Variants in SYNGR1 observed in about 807,000 individuals in gnomAD.
SYNGR1 encodes the protein synaptogyrin-1.
A neutral mutation model predicts 26.1 loss-of-function variants in SYNGR1; 14 were observed. The ratio of observed to expected loss-of-function variants is 0.54; its 90% CI spans 0.35 to 0.84. The LOEUF is 0.84. Among genes scored for constraint, SYNGR1 ranks in the 40% least tolerant of loss-of-function variants. SYNGR1 has a pLI of 0.01. For synonymous variants in SYNGR1, 141 were observed against 150.1 expected, an observed-to-expected ratio of 0.94 and a Z score of 0.44; for missense variants, 319 against 332.9, an observed-to-expected ratio of 0.96 and a Z score of 0.33.
rs1925513030 is a variant in SYNGR1, at chr22:39,381,904, A to G, written c.692A>G (p.Gln231Arg). Residue 231 changes from glutamine to arginine, a missense_variant, in exon 4 of 4, where the codon CAG (glutamine) becomes CGG (arginine). Transcript: ENST00000328933. ...FDTEPQGYQS[Q>R]GY Reference sequence around the variant, plus strand: ...ACCGAGCCCCAGGGCTACCAGTCGCAGGGCTACTGAGCCACAGTGACCGCC... The same window carrying G: ...ACCGAGCCCCAGGGCTACCAGTCGCGGGGCTACTGAGCCACAGTGACCGCC... 4 of 1,608,580 alleles carry G rather than the reference A, an allele frequency of 2.5e-6. No homozygotes were observed. The South Asian group carries it at 4.4e-5, about 18-fold the overall frequency.
chr22:39,357,646 T>C (rs1459662952), intron 1 of SYNGR1, among the ~76,000 whole-genome samples: 1 of 26,234 alleles, frequency 3.8e-5, no homozygotes, highest in Non-Finnish European at 6.8e-5. Flanking sequence ...CGGCCAGCCC[T>C]GCTGGCCCCG....
Position 39,374,307 on chromosome 22 carries a change from C to T in SYNGR1, c.100-9C>T. The T allele has an allele frequency of 2.5e-6, 4 of 1,613,610 alleles. No individual in the cohort carries two copies. The highest frequency in any genetic ancestry group is 2.2e-5 in the East Asian group (1 of 44,868). On this transcript the variant is annotated splice_polypyrimidine_tract_variant and intron_variant, in intron 1 of 3. Transcript: ENST00000328933. Reference sequence around the variant, plus strand: ...GCCCAGGTCTAAGGTGTGGCCCCACCCCCGACAGCTGTTCTCCATAGTGGT... The same window carrying T: ...GCCCAGGTCTAAGGTGTGGCCCCACTCCCGACAGCTGTTCTCCATAGTGGT...
intron 1 of SYNGR1, among the ~76,000 whole-genome samples, chr22:39,366,971 G>A (rs146038700): frequency 1.3e-5 from 2 of 152,216 alleles, no homozygotes; most frequent in Non-Finnish European, 2.9e-5. Context: ...CCTCCATGCC[G>A]CTCCTGAACA....
At chr22:39,352,049 G>C (rs570543426) in intron 1 of SYNGR1, among the ~76,000 whole-genome samples, 1 of 152,226 alleles carries the variant, frequency 6.6e-6, no homozygotes, top group African/African-American at 2.4e-5. Flanking sequence ...GCGGCTCAGC[G>C]AGCGAGGCCA....
chr22:39,354,843 T>TTA (rs1555938742), intron 1 of SYNGR1, among the ~76,000 whole-genome samples: 1 of 141,248 alleles, frequency 7.1e-6, no homozygotes, highest in East Asian at 2.0e-4. Flanking sequence ...CTGTCTCAAA[T>TTA]AAAAAAAAAA....
chr22:39,358,928 T>G (rs1290656647), intron 1 of SYNGR1, among the ~76,000 whole-genome samples: 6 of 152,230 alleles, frequency 3.9e-5, no homozygotes, highest in African/African-American at 1.4e-4. Flanking sequence ...GAAGGGGACC[T>G]GGAGAGAGGG....
chr22:39,364,926 A>T (rs904252318), intron 1 of SYNGR1, among the ~76,000 whole-genome samples: 4 of 152,160 alleles, frequency 2.6e-5, no homozygotes, highest in Admixed American at 6.5e-5. Context: ...ATCCGTTTTT[A>T]AAAAAGACTC....
rs373306679 is a variant in SYNGR1, at chr22:39,381,837, G to A, written c.625G>A (p.Gly209Ser). ...GGAGCCCACTGGGCCGGATCCCGCC[G>A]GTATGGGCGGCACCTACCAGCAGCC... ...YVEPTGPDPA[G>S]MGGTYQQPAN... The change falls in exon 4 of 4, where the codon GGT becomes AGT. Residue 209 changes from glycine to serine, a missense_variant. Physicochemically the swap from Gly to Ser is moderately conservative, Grantham distance 56 (BLOSUM62 0). Coordinates refer to ENST00000328933, the MANE Select transcript of SYNGR1 (RefSeq NM_004711.5). 19 of 1,612,820 alleles carry A rather than the reference G, an allele frequency of 1.2e-5. No homozygotes were observed. The African/African-American group carries it at 1.2e-4, about 10-fold the overall frequency.
At chr22:39,368,549 C>T (rs16985820) in intron 1 of SYNGR1, among the ~76,000 whole-genome samples, 3,908 of 152,340 alleles carry the variant, frequency 0.026, 127 homozygotes, top group African/African-American at 0.071. Context: ...CGAAGCTATT[C>T]TGTTCTTGCT....
Position 39,350,842 on chromosome 22 carries a change from C to T in SYNGR1, c.99+733C>T, listed in dbSNP as rs1923873169. Among the ~76,000 whole-genome samples, 1 of 152,174 alleles carries T rather than the reference C, an allele frequency of 6.6e-6. No individual in the cohort carries two copies. On this transcript the variant is annotated intron_variant, in intron 1 of 3. Transcript: ENST00000328933. This position sits in a 1 kb window ranked among gnomAD's most constrained non-coding sequence, Gnocchi z 4.3. ...CCTTGGGCTCTGACATTTCATGAAC[C>T]GGTAACACCCCTCCCACTCAGCATG...
intron 1 of SYNGR1, among the ~76,000 whole-genome samples, chr22:39,353,495 CTT>C (rs1924009148): frequency 6.6e-6 from 1 of 152,224 alleles, no homozygotes; most frequent in Non-Finnish European, 1.5e-5. Context: ...TGGCTTGTCT[CTT>C]GACTAAGGCT....
intron 1 of SYNGR1, among the ~76,000 whole-genome samples, chr22:39,362,535 C>T (rs1402337403): frequency 1.3e-5 from 2 of 152,152 alleles, no homozygotes; most frequent in African/African-American, 2.4e-5. Flanking sequence ...CGGCTTCAGC[C>T]ATTTTCCTCA....
chr22:39,364,443 C>A, intron 1 of SYNGR1: 3 of 1,370,562 alleles, frequency 2.2e-6, no homozygotes, highest in Non-Finnish European at 2.0e-6. Flanking sequence ...GATTTAGGTG[C>A]CTTCTTCCAT....
intron 1 of SYNGR1, among the ~76,000 whole-genome samples, chr22:39,351,438 G>T (rs1472042606): frequency 6.6e-6 from 1 of 152,214 alleles, no homozygotes; most frequent in South Asian, 2.1e-4. Context: ...CCCTTGTGTC[G>T]GTGCCTGCAC....
intron 3 of SYNGR1, chr22:39,378,001 C>T (rs1187702443): frequency 8.2e-7 from 1 of 1,224,492 alleles, no homozygotes; most frequent in Non-Finnish European, 1.0e-6. Flanking sequence ...ATCAATATCT[C>T]TTCCAAATGG....
In SYNGR1 at chr22:39,383,108, CTA is replaced by C. The variant is rs146265257; in HGVS notation, c.*1196_*1197del. 0.027 allele frequency: 4,069 copies of C among 152,384 alleles called. 158 individuals are homozygous for C. Among genetic ancestry groups the C allele is most frequent in the African/African-American group, 0.093 (3,859 of 41,554 alleles). 9.4% of individuals were successfully genotyped at this position (152,384 alleles called of 1,614,324 possible). On this transcript the variant is annotated 3_prime_UTR_variant, in exon 4 of 4. Coordinates refer to ENST00000328933, the MANE Select transcript of SYNGR1 (RefSeq NM_004711.5). Reference sequence around the variant, plus strand: ...CAGGAAACAGAACTGATCTGGGACACTATGTCACCTCTCCTCTCATCTGGGGT... The same window carrying C: ...CAGGAAACAGAACTGATCTGGGACACTGTCACCTCTCCTCTCATCTGGGGT...
At position 39,350,886 on chromosome 22, in the gene SYNGR1, G is replaced by A. The variant is rs1249777418; in HGVS notation, c.99+777G>A. Among the ~76,000 whole-genome samples the A allele has an allele frequency of 1.3e-5, 2 of 152,194 alleles. No individual in the cohort carries two copies. The highest frequency in any genetic ancestry group is 2.9e-5 in the Non-Finnish European group (2 of 68,040). ...CAGCATGCACCTGGATGCCCAAGGC[G>A]GGTGTCTGGGAGAAAGGTCTGCTCC... On this transcript the variant is annotated intron_variant, in intron 1 of 3. Transcript: ENST00000328933. The surrounding 1 kb of genome is among the most constrained non-coding windows in gnomAD (Gnocchi z 4.3).
intron 1 of SYNGR1, among the ~76,000 whole-genome samples, chr22:39,362,504 A>C (rs5757636): frequency 6.6e-6 from 1 of 151,696 alleles, no homozygotes; most frequent in Admixed American, 6.6e-5. Context: ...GGGGCTGCCC[A>C]ACACCCATCA....
At chr22:39,381,615 C>A in intron 3 of SYNGR1, 81 bp from the exon 4 acceptor site, 1 of 1,442,380 alleles carries the variant, frequency 6.9e-7, no homozygotes, top group Non-Finnish European at 9.7e-7. Flanking sequence ...AACTAACCAC[C>A]ACTAACCCAG....
Sources: gnomAD v4.1 joint callset for allele counts (sites outside exome capture counted in the v4.1 genomes callset) on GRCh38, gnomAD v4.1.1 for gene constraint, Gnocchi (gnomAD v3.1) non-coding constraint, MANE v1.5 for transcripts, NCBI Gene and HGNC (gene_info 2026-07-23, HGNC 2026-07-21) for gene names.